CDKAL1: variants seen among roughly 807,000 people sequenced by gnomAD.
CDKAL1 encodes CDKAL1 threonylcarbamoyladenosine tRNA methylthiotransferase, also known as threonylcarbamoyladenosine tRNA methylthiotransferase.
In CDKAL1, 32 loss-of-function variants were observed where a neutral mutation model predicts 68.2. The observed-to-expected ratio is 0.47, with a 90% CI of 0.35 to 0.63. The LOEUF is 0.63. CDKAL1 is among the 30% of genes least tolerant of loss of function. The pLI is 0.00. For synonymous variants in CDKAL1, 234 were observed against 244.3 expected, an observed-to-expected ratio of 0.96 and a Z score of 0.39; for missense variants, 606 against 696.7, an observed-to-expected ratio of 0.87 and a Z score of 1.47.
At position 21,079,075 on chromosome 6, in the gene CDKAL1, G is replaced by T. The variant is rs966350913; in HGVS notation, c.1236+13847G>T. ...GAAGAATGGCTGTTACAGGGGCGGC[G>T]TGGGACAGAACCTGGGCACAAATAA... On this transcript the variant is annotated intron_variant, in intron 12 of 15. Transcript: ENST00000274695. Among the ~76,000 whole-genome samples the T allele has an allele frequency of 2.0e-5, 3 of 152,160 alleles. No homozygotes were observed. The South Asian group carries it at 6.2e-4, about 32-fold the overall frequency.
chr6:20,610,314 T>TG (rs1766562320), intron 4 of CDKAL1, among the ~76,000 whole-genome samples: 1 of 152,194 alleles, frequency 6.6e-6, no homozygotes, highest in Admixed American at 6.5e-5. Context: ...ATTGCTGGGT[T>TG]GAATGGTATT....
chr6:21,151,673 C>T (rs1776416670), intron 13 of CDKAL1, among the ~76,000 whole-genome samples: 1 of 151,952 alleles, frequency 6.6e-6, no homozygotes, highest in Admixed American at 6.5e-5. Context: ...GGAACATTTG[C>T]CCTTATCTCA....
At chr6:20,649,849 G>A (rs925769753) in intron 5 of CDKAL1, among the ~76,000 whole-genome samples, 13 of 152,152 alleles carry the variant, frequency 8.5e-5, no homozygotes, top group African/African-American at 3.1e-4. Context: ...TTAGTTTGGT[G>A]CGGATGACGG....
chr6:21,220,172 T>G (rs546932769), intron 15 of CDKAL1, among the ~76,000 whole-genome samples: 1 of 151,722 alleles, frequency 6.6e-6, no homozygotes, highest in East Asian at 1.9e-4. Context: ...TCTTGGTTCC[T>G]TTTTTATGTT....
rs553034347 is a variant in CDKAL1, at chr6:21,075,612, A to G, written c.1236+10384A>G. On this transcript the variant is annotated intron_variant, in intron 12 of 15. Transcript: ENST00000274695. ...ACTATAATATATAAGCGATTTAATA[A>G]TGAAATCACCTAAGCCAAATGAGAG... Among the ~76,000 whole-genome samples, 19 of 152,284 alleles carry G rather than the reference A, an allele frequency of 1.2e-4. No individual in the cohort carries two copies. In the East Asian group the frequency reaches 2.9e-3, roughly 23 times the overall value.
At chr6:21,049,428 A>G (rs1189844331) in intron 11 of CDKAL1, among the ~76,000 whole-genome samples, 1 of 152,232 alleles carries the variant, frequency 6.6e-6, no homozygotes, top group Non-Finnish European at 1.5e-5. Context: ...TAGCAGTACC[A>G]TAGATAGTAA....
intron 10 of CDKAL1, among the ~76,000 whole-genome samples, chr6:20,988,985 C>A (rs182366723): frequency 6.6e-6 from 1 of 151,866 alleles, no homozygotes; most frequent in East Asian, 1.9e-4. Context: ...AGTCTTTTAT[C>A]CTGAAGTAGC....
intron 4 of CDKAL1, among the ~76,000 whole-genome samples, chr6:20,629,437 G>T (rs1767576495): frequency 6.6e-6 from 1 of 152,114 alleles, no homozygotes; most frequent in Non-Finnish European, 1.5e-5. Context: ...AATGTATTTT[G>T]TGAGGAGGTT....
chr6:20,937,461 A>G (rs1763776906), intron 9 of CDKAL1, among the ~76,000 whole-genome samples: 1 of 152,222 alleles, frequency 6.6e-6, no homozygotes, highest in Non-Finnish European at 1.5e-5. Context: ...AAATACTATT[A>G]TGTAATCTGC....
intron 9 of CDKAL1, among the ~76,000 whole-genome samples, chr6:20,953,376 A>T (rs557996003): frequency 1.3e-5 from 2 of 152,238 alleles, no homozygotes; most frequent in Non-Finnish European, 2.9e-5. Context: ...TACATAAGGC[A>T]TAACATGGAA....
intron 9 of CDKAL1, among the ~76,000 whole-genome samples, chr6:20,898,209 C>T (rs1486315768): frequency 6.6e-6 from 1 of 151,556 alleles, no homozygotes; most frequent in East Asian, 1.9e-4. Flanking sequence ...ACCTCCCTGT[C>T]TCTTGTTGGT....
intron 8 of CDKAL1, among the ~76,000 whole-genome samples, chr6:20,827,119 C>T (rs1005003958): frequency 4.6e-5 from 7 of 152,154 alleles, no homozygotes; most frequent in South Asian, 2.1e-4. Context: ...TCTTTATTTC[C>T]CCAATATGTT....
At chr6:21,149,510 A>G (rs2151046630) in intron 13 of CDKAL1, among the ~76,000 whole-genome samples, 1 of 152,354 alleles carries the variant, frequency 6.6e-6, no homozygotes, top group South Asian at 2.1e-4. Context: ...CAATGGAAAT[A>G]GTACTTATCT....
rs62398114 is a variant in CDKAL1 at position 20,913,160 on chromosome 6, T to C, written c.743-42259T>C. On this transcript the variant is annotated intron_variant, in intron 9 of 15. Transcript: ENST00000274695. ...ACACACACACACACACACACACACA[T>C]TACCACAAATGTAGAAGCTTAAAAC... 1.5e-3 allele frequency among the ~76,000 whole-genome samples: 133 copies of C among 88,598 alleles called. 1 individual carries two copies. The highest frequency in any genetic ancestry group is 6.6e-3 in the African/African-American group (116 of 17,452). 58.1% of individuals were successfully genotyped at this position (88,598 alleles called of 152,430 possible). A position where few individuals can be genotyped will look rare whatever the true frequency, so the allele number is the denominator to read the frequency against.
chr6:20,781,336 A>C (rs545216150), intron 8 of CDKAL1, 71 bp downstream of exon 8: 2 of 1,356,360 alleles, frequency 1.5e-6, no homozygotes, highest in Admixed American at 2.3e-5. Flanking sequence ...TTTCTTGGAC[A>C]TGTGACATAG....
intron 9 of CDKAL1, among the ~76,000 whole-genome samples, chr6:20,874,942 G>A (rs569694525): frequency 3.9e-5 from 6 of 152,266 alleles, no homozygotes; most frequent in Non-Finnish European, 8.8e-5. Flanking sequence ...GCAAAGAGAG[G>A]TTGTGTCAAA....
intron 6 of CDKAL1, among the ~76,000 whole-genome samples, chr6:20,741,379 AAC>A (rs1376727264): frequency 6.6e-6 from 1 of 152,062 alleles, no homozygotes; most frequent in Non-Finnish European, 1.5e-5. Flanking sequence ...ATACAGGTTA[AAC>A]ACGCGTCTGT....
intron 4 of CDKAL1, among the ~76,000 whole-genome samples, chr6:20,564,171 C>G (rs1764372295): frequency 6.6e-6 from 1 of 152,164 alleles, no homozygotes; most frequent in Non-Finnish European, 1.5e-5. Flanking sequence ...ACTCAGGAGG[C>G]TGAGACAGGT....
At chr6:20,618,080 T>C (rs930601081) in intron 4 of CDKAL1, among the ~76,000 whole-genome samples, 1 of 152,206 alleles carries the variant, frequency 6.6e-6, no homozygotes, top group Non-Finnish European at 1.5e-5. Flanking sequence ...TGGCATCTGT[T>C]GTTTCCTGAC....
Sources: allele counts gnomAD v4.1 joint callset (sites outside exome capture counted in the v4.1 genomes callset), GRCh38; gene constraint gnomAD v4.1.1; transcripts MANE v1.5; gene names NCBI Gene and HGNC (gene_info 2026-07-23, HGNC 2026-07-21).